TAF2: variants seen among roughly 807,000 people sequenced by gnomAD.
TAF2 encodes the protein TATA-box binding protein associated factor 2.
TAF2 carries 61 observed loss-of-function variants against 138.5 expected under a neutral mutation model. The observed-to-expected ratio is 0.44, with a 90% CI of 0.36 to 0.54. The LOEUF is 0.54. Ranked by LOEUF, TAF2 falls within the 20% of genes least tolerant of loss-of-function variation. TAF2 has a pLI of 0.00. For synonymous variants in TAF2, 475 were observed against 469.9 expected, an observed-to-expected ratio of 1.01 and a Z score of -0.14; for missense variants, 1,090 against 1,427.9, an observed-to-expected ratio of 0.76 and a Z score of 3.81.
At chr8:119,779,992 C>T (rs1233519422) in intron 17 of TAF2, among the ~76,000 whole-genome samples, 1 of 152,108 alleles carries the variant, frequency 6.6e-6, no homozygotes, top group African/African-American at 2.4e-5. Flanking sequence ...ACAAAACAAA[C>T]CCAAGAAGTC....
rs192550049 is a variant in TAF2 at position 119,787,123 on chromosome 8, C to T, written c.1793+1215G>A. 7.1e-3 allele frequency among the ~76,000 whole-genome samples: 1,076 copies of T among 152,188 alleles called. 12 individuals are homozygous for T. Among genetic ancestry groups the T allele is most frequent in the African/African-American group, 0.025 (1,021 of 41,526 alleles). ...ACCATCAGAGTGAACAGGCAACCTA[C>T]AGATTTGGAAAAATTTTTGCAATCT... On this transcript the variant is annotated intron_variant, in intron 14 of 25. Transcript: ENST00000378164.
chr8:119,793,134 T>G (rs1187194541), intron 10 of TAF2, among the ~76,000 whole-genome samples: 1 of 152,160 alleles, frequency 6.6e-6, no homozygotes, highest in Admixed American at 6.5e-5. Context: ...TGTGGCACAT[T>G]AAAACTTCAG....
At chr8:119,780,279 T>C (rs150569399) in intron 17 of TAF2, among the ~76,000 whole-genome samples, 62 of 152,320 alleles carry the variant, frequency 4.1e-4, no homozygotes, top group Non-Finnish European at 7.5e-4. Flanking sequence ...ATTCCACTTA[T>C]AGAAAACTTA....
At position 119,747,944 on chromosome 8, in the gene TAF2, C is replaced by T. The variant is rs371998702; in HGVS notation, c.2879-1010G>A. 1.6e-4 allele frequency among the ~76,000 whole-genome samples: 24 copies of T among 152,136 alleles called. No individual in the cohort carries two copies. In the East Asian group the frequency reaches 2.3e-3, roughly 15 times the overall value. On this transcript the variant is annotated intron_variant, in intron 22 of 25. Coordinates refer to ENST00000378164, the MANE Select transcript of TAF2 (RefSeq NM_003184.4). ...TTCAAAACAAGCCTGGGTAACATGGCGAAGCCCACTCTCTACTAAAAATAC... is the reference window on the plus strand; with the variant it reads ...TTCAAAACAAGCCTGGGTAACATGGTGAAGCCCACTCTCTACTAAAAATAC...
Position 119,765,067 on chromosome 8 carries a change from T to C in TAF2, c.2365-2459A>G, listed in dbSNP as rs1276602296. 2.0e-5 allele frequency among the ~76,000 whole-genome samples: 3 copies of C among 152,190 alleles called. No individual in the cohort carries two copies. The East Asian group carries it at 5.8e-4, about 29-fold the overall frequency. On this transcript the variant is annotated intron_variant, in intron 18 of 25. Coordinates refer to ENST00000378164, the MANE Select transcript of TAF2 (RefSeq NM_003184.4). ...TAAATCTAATTTATCTCCACTGTTG[T>C]GTTTTTGCTATTATACAATGTAATA...
chr8:119,757,048 G>A (rs999588770), intron 21 of TAF2, among the ~76,000 whole-genome samples: 5 of 152,142 alleles, frequency 3.3e-5, no homozygotes, highest in African/African-American at 1.2e-4. Context: ...GTGAACTGGG[G>A]AAATTTTTAC....
chr8:119,825,929 T>G (rs75862657), intron 2 of TAF2, among the ~76,000 whole-genome samples: 1 of 151,542 alleles, frequency 6.6e-6, no homozygotes, highest in Admixed American at 6.6e-5. Flanking sequence ...CCTGACCTCA[T>G]GATCTGCCCG....
At chr8:119,753,283 ACT>A (rs1820477503) in intron 22 of TAF2, among the ~76,000 whole-genome samples, 1 of 152,046 alleles carries the variant, frequency 6.6e-6, no homozygotes, top group South Asian at 2.1e-4. Flanking sequence ...TTTCAGATAA[ACT>A]CTGTAACATG....
intron 18 of TAF2, among the ~76,000 whole-genome samples, chr8:119,766,540 A>G (rs374390283): frequency 6.6e-6 from 1 of 152,194 alleles, no homozygotes; most frequent in African/African-American, 2.4e-5. Context: ...CTGTAATCCC[A>G]GCACTTTGGG....
rs1819085595 is a variant in TAF2, at chr8:119,734,458, GTAC to G, written c.3338-2275_3338-2273del. On this transcript the variant is annotated intron_variant, in intron 25 of 25. Transcript: ENST00000378164. ...GAAGCTTTCTAAAAATTACATTGCA[GTAC>G]TAATTTTATTTATTGACAGTTCATA... Among the ~76,000 whole-genome samples, 3 of 152,080 alleles carry G rather than the reference GTAC, an allele frequency of 2.0e-5. No homozygotes were observed. In the South Asian group the frequency reaches 6.2e-4, roughly 31 times the overall value.
chr8:119,769,350 G>T (rs889141695), intron 18 of TAF2, among the ~76,000 whole-genome samples: 1 of 152,084 alleles, frequency 6.6e-6, no homozygotes, highest in East Asian at 1.9e-4. Context: ...TCAAAAATCA[G>T]AAGTGACAAC....
At chr8:119,795,470 A>G in intron 9 of TAF2, 62 bp downstream of exon 9, 1 of 1,367,078 alleles carries the variant, frequency 7.3e-7, no homozygotes, top group Non-Finnish European at 1.0e-6. Context: ...AAAGTATTTT[A>G]CAGTCATTAA....
intron 18 of TAF2, among the ~76,000 whole-genome samples, chr8:119,769,460 T>G (rs1242426961): frequency 6.6e-6 from 1 of 152,088 alleles, no homozygotes; most frequent in African/African-American, 2.4e-5. Context: ...ATGATTTCAT[T>G]TCATCCTAAA....
chr8:119,788,055 A>G (rs1210244439), intron 14 of TAF2, among the ~76,000 whole-genome samples: 2 of 152,080 alleles, frequency 1.3e-5, no homozygotes, highest in Non-Finnish European at 2.9e-5. Flanking sequence ...ACACAGACAC[A>G]GGGAGGGGAA....
At chr8:119,813,663 G>C (rs865931939) in intron 3 of TAF2, among the ~76,000 whole-genome samples, 10 of 152,220 alleles carry the variant, frequency 6.6e-5, no homozygotes, top group African/African-American at 2.4e-4. Flanking sequence ...GAATGGTTGA[G>C]AGTAATCTCA....
chr8:119,771,471 A>T (rs1292443053), intron 18 of TAF2, among the ~76,000 whole-genome samples: 1 of 152,084 alleles, frequency 6.6e-6, no homozygotes, highest in Non-Finnish European at 1.5e-5. Context: ...CCTGACTTCA[A>T]GCAATCTGCC....
At chr8:119,824,483 T>C (rs1359360949) in intron 2 of TAF2, among the ~76,000 whole-genome samples, 1 of 151,526 alleles carries the variant, frequency 6.6e-6, no homozygotes, top group Non-Finnish European at 1.5e-5. Flanking sequence ...AAGTCCAAGC[T>C]GGCTACAGAA....
Position 119,756,125 on chromosome 8 carries a change from T to G in TAF2, c.2769-10A>C. On this transcript the variant is annotated splice_polypyrimidine_tract_variant and intron_variant, in intron 21 of 25. Coordinates refer to ENST00000378164, the MANE Select transcript of TAF2 (RefSeq NM_003184.4). ...GTTGAGAATCTTATGCCTGAAAGAT[T>G]AAAAAAAATTAAATTTTTGCTGACC... 1.9e-6 allele frequency: 3 copies of G among 1,606,282 alleles called. No homozygotes were observed. In the South Asian group the frequency reaches 3.3e-5, roughly 18 times the overall value.
At position 119,778,043 on chromosome 8, in the gene TAF2, C is replaced by T. The variant is rs1365369681; in HGVS notation, c.2340G>A (p.Lys780=). 1 of 1,554,424 alleles carries T rather than the reference C, an allele frequency of 6.4e-7. No homozygotes were observed. Among genetic ancestry groups the T allele is most frequent in the South Asian group, 1.1e-5 (1 of 87,774 alleles). The change falls in exon 18 of 26, where the codon AAG becomes AAA. Residue 780 remains lysine, a synonymous_variant. Coordinates refer to ENST00000378164, the MANE Select transcript of TAF2 (RefSeq NM_003184.4). The part of the protein sequence containing the change: ...EVLTFILDLI[K]YNDNRKNKFS... ...CCTTATTTTTCCTGTTGTCATTGTA[C>T]TTGATTAAGTCTAAAATAAATGTTA...
Sources: allele counts gnomAD v4.1 joint callset (sites outside exome capture counted in the v4.1 genomes callset), GRCh38; gene constraint gnomAD v4.1.1; transcripts MANE v1.5; gene names NCBI Gene and HGNC (gene_info 2026-07-23, HGNC 2026-07-21).